ADAMTS20: variants seen among roughly 807,000 people sequenced by gnomAD.
ADAMTS20 encodes ADAM metallopeptidase with thrombospondin type 1 motif 20, also known as A disintegrin and metalloproteinase with thrombospondin motifs 20.
In ADAMTS20, 225 loss-of-function variants were observed where a neutral mutation model predicts 260.1. The observed-to-expected ratio is 0.87, with a 90% CI of 0.78 to 0.97. ADAMTS20 has a LOEUF of 0.97. Ranked by LOEUF, ADAMTS20 falls within the 50% of genes least tolerant of loss-of-function variation. The pLI is 0.00. For synonymous variants in ADAMTS20, 802 were observed against 769.5 expected, an observed-to-expected ratio of 1.04 and a Z score of -0.70; for missense variants, 2,400 against 2,337.7, an observed-to-expected ratio of 1.03 and a Z score of -0.55.
At chr12:43,482,975 G>A (rs969462) in intron 7 of ADAMTS20, among the ~76,000 whole-genome samples, 14,330 of 152,166 alleles carry the variant, frequency 0.094, 809 homozygotes, top group Middle Eastern at 0.11. Flanking sequence ...GCATCAGCCT[G>A]GCTAACCAGG....
At chr12:43,541,293 T>A (rs567533956) in intron 2 of ADAMTS20, among the ~76,000 whole-genome samples, 1 of 152,308 alleles carries the variant, frequency 6.6e-6, no homozygotes, top group South Asian at 2.1e-4. Flanking sequence ...ACTCATAGAC[T>A]CTTATGTAAA....
intron 37 of ADAMTS20, among the ~76,000 whole-genome samples, chr12:43,358,230 TCTGA>T (rs1361564517): frequency 6.6e-6 from 1 of 152,166 alleles, no homozygotes; most frequent in African/African-American, 2.4e-5. Flanking sequence ...AAGGAATAAA[TCTGA>T]CTGACTACTG....
intron 28 of ADAMTS20, among the ~76,000 whole-genome samples, chr12:43,400,769 C>T (rs980212355): frequency 1.3e-5 from 2 of 151,780 alleles, no homozygotes; most frequent in Admixed American, 6.6e-5. Context: ...AGTGTGCTGA[C>T]TACTTTGAGT....
intron 3 of ADAMTS20, among the ~76,000 whole-genome samples, chr12:43,506,852 T>C (rs1048755243): frequency 4.0e-5 from 6 of 150,720 alleles, no homozygotes; most frequent in Non-Finnish European, 8.8e-5. Flanking sequence ...TTCATAATAG[T>C]AAAACCTAAA....
At chr12:43,395,634 C>T (rs1215637302) in intron 29 of ADAMTS20, among the ~76,000 whole-genome samples, 1 of 144,926 alleles carries the variant, frequency 6.9e-6, no homozygotes, top group Non-Finnish European at 1.5e-5. Flanking sequence ...AGCCAAGAGG[C>T]TGATTTGACC....
intron 2 of ADAMTS20, among the ~76,000 whole-genome samples, chr12:43,534,938 C>G (rs542432823): frequency 1.3e-5 from 2 of 151,910 alleles, no homozygotes; most frequent in East Asian, 3.9e-4. Context: ...AAAATGTTTC[C>G]CTGCTTCCCA....
intron 2 of ADAMTS20, among the ~76,000 whole-genome samples, chr12:43,549,150 A>T (rs966119791): frequency 4.0e-5 from 6 of 150,312 alleles, no homozygotes; most frequent in Non-Finnish European, 8.9e-5. Context: ...ACATTGCTAA[A>T]GAAGATAAAC....
At chr12:43,409,357 C>G (rs1047720847) in intron 28 of ADAMTS20, among the ~76,000 whole-genome samples, 1 of 151,700 alleles carries the variant, frequency 6.6e-6, no homozygotes, top group Non-Finnish European at 1.5e-5. Flanking sequence ...AATCACAGCA[C>G]TTTGGGAGGC....
intron 29 of ADAMTS20, among the ~76,000 whole-genome samples, chr12:43,385,786 C>T (rs1052067110): frequency 6.6e-6 from 1 of 151,982 alleles, no homozygotes; most frequent in Non-Finnish European, 1.5e-5. Context: ...ATTTCTGAGG[C>T]CTCTGTTCTG....
At position 43,502,322 on chromosome 12, in the gene ADAMTS20, A is replaced by T; in HGVS notation, c.697T>A (p.Leu233Ile). 1 of 1,611,114 alleles carries T rather than the reference A, an allele frequency of 6.2e-7. No homozygotes were observed. The highest frequency in any genetic ancestry group is 8.5e-7 in the Non-Finnish European group (1 of 1,179,044). Residue 233 changes from leucine (L) to isoleucine (I), a missense_variant, in exon 4 of 39, where the codon TTA becomes ATA. Transcript: ENST00000389420. ...GGTACATTTTTTGATGTGTGTCCTA[A>T]AACTCTTTCTTTCATTACATTAAGA... Reference protein sequence around the residue: ...EDLNVMKERVLGHTSKNVPLK... With the variant: ...EDLNVMKERVIGHTSKNVPLK...
intron 28 of ADAMTS20, among the ~76,000 whole-genome samples, chr12:43,416,144 C>T (rs929652164): frequency 5.3e-5 from 8 of 152,226 alleles, no homozygotes; most frequent in African/African-American, 1.9e-4. Flanking sequence ...TTATTCTACT[C>T]TACCTACAGA....
intron 9 of ADAMTS20, among the ~76,000 whole-genome samples, chr12:43,465,751 C>T (rs1260422160): frequency 1.3e-5 from 2 of 151,984 alleles, no homozygotes; most frequent in Non-Finnish European, 2.9e-5. Flanking sequence ...AAGCTATATA[C>T]AATTCTGTAC....
At chr12:43,466,029 T>C (rs537893892) in intron 9 of ADAMTS20, among the ~76,000 whole-genome samples, 35 of 152,138 alleles carry the variant, frequency 2.3e-4, no homozygotes, top group Middle Eastern at 3.4e-3. Flanking sequence ...TGGAAAAGTT[T>C]CAGTGACTGA....
chr12:43,385,457 A>C (rs1940451945), intron 29 of ADAMTS20, among the ~76,000 whole-genome samples: 1 of 152,168 alleles, frequency 6.6e-6, no homozygotes, highest in African/African-American at 2.4e-5. Flanking sequence ...GCTTAATTAG[A>C]TCCAATTTGT....
At position 43,517,293 on chromosome 12, in the gene ADAMTS20, C is replaced by T. The variant is rs4768507; in HGVS notation, c.613+14743G>A. Reference sequence around the variant, plus strand: ...ACTGTCTACATGATTACCAAGGTACCGAATCCAAAAGAATCAACAAATAAA... The same window carrying T: ...ACTGTCTACATGATTACCAAGGTACTGAATCCAAAAGAATCAACAAATAAA... On this transcript the variant is annotated intron_variant, in intron 3 of 38. Transcript: ENST00000389420. 5.3e-5 allele frequency among the ~76,000 whole-genome samples: 8 copies of T among 151,662 alleles called. No homozygotes were observed. In the South Asian group the frequency reaches 6.2e-4, roughly 12 times the overall value.
chr12:43,458,768 G>T (rs78309485), intron 11 of ADAMTS20, among the ~76,000 whole-genome samples: 246 of 152,252 alleles, frequency 1.6e-3, no homozygotes, highest in African/African-American at 5.3e-3. Context: ...TCTAGAACTT[G>T]AGCTACATAA....
chr12:43,439,369 C>A (rs949445574), intron 18 of ADAMTS20, among the ~76,000 whole-genome samples: 1 of 151,316 alleles, frequency 6.6e-6, no homozygotes, highest in African/African-American at 2.4e-5. Flanking sequence ...AGAATGAGAA[C>A]GGGAAAGTAA....
chr12:43,550,960 C>T lies in ADAMTS20; in HGVS notation c.402G>A (p.Gln134=). The T allele has an allele frequency of 3.7e-6, 6 of 1,601,208 alleles. No individual in the cohort carries two copies. The highest frequency in any genetic ancestry group is 5.1e-6 in the Non-Finnish European group (6 of 1,171,566). The part of the protein sequence containing the change: ...SDLRHCFYRG[Q]VNSQEDYKAV... ...CCTTGTAATCCTCCTGTGAGTTGAC[C>T]TGGCCGCGGTAGAAGCAGTGGCGCA... The change falls in exon 2 of 39, where the codon CAG becomes CAA. Residue 134 remains glutamine (Q), a synonymous_variant. Transcript: ENST00000389420.
In ADAMTS20 at chr12:43,446,583, T is replaced by C. The variant is rs771900111; in HGVS notation, c.2197+12A>G. The C allele has an allele frequency of 1.2e-6, 2 of 1,602,200 alleles. No individual in the cohort carries two copies. Among genetic ancestry groups the C allele is most frequent in the Non-Finnish European group, 1.7e-6 (2 of 1,169,964 alleles). Reference sequence around the variant, plus strand: ...AATAAAAGCGAAATCTAGAAACAAATACACAACTTACCATAATGAGAACTG... The same window carrying C: ...AATAAAAGCGAAATCTAGAAACAAACACACAACTTACCATAATGAGAACTG... On this transcript the variant is annotated intron_variant, in intron 15 of 38. Transcript: ENST00000389420.
Sources: allele counts gnomAD v4.1 joint callset (sites outside exome capture counted in the v4.1 genomes callset), GRCh38; gene constraint gnomAD v4.1.1; transcripts MANE v1.5; gene names NCBI Gene and HGNC (gene_info 2026-07-23, HGNC 2026-07-21).